The following FSTL5 variants were observed in gnomAD, a reference collection of about 807,000 sequenced individuals.
FSTL5 encodes the protein follistatin-related protein 5.
In FSTL5, 62 loss-of-function variants were observed where a neutral mutation model predicts 89.1. The observed-to-expected ratio is 0.70, with a 90% confidence interval of 0.57 to 0.86. The LOEUF (loss-of-function observed/expected upper bound fraction) is 0.86. Among genes scored for constraint, FSTL5 ranks in the 40% least tolerant of loss-of-function variants. FSTL5 has a pLI of 0.00. For missense variants in FSTL5, 1,057 were observed against 1,001.6 expected (o/e 1.06, Z -0.75); for synonymous variants, 383 against 346.2 (o/e 1.11, Z -1.18).
chr4:162,154,059 G>A (rs1030197477), intron 1 of FSTL5, among the ~76,000 whole-genome samples: 12 of 151,576 alleles, frequency 7.9e-5, no homozygotes, highest in African/African-American at 2.4e-4. Flanking sequence ...CACTCGCTTC[G>A]GCCTCCCAAA....
chr4:162,092,582 T>C (rs562276050), intron 2 of FSTL5, among the ~76,000 whole-genome samples: 5 of 152,244 alleles, frequency 3.3e-5, no homozygotes, highest in South Asian at 2.1e-4. Flanking sequence ...ATCCTTTTCC[T>C]AAAGTTTGAT....
At chr4:161,864,634 G>GTCC (rs1732019302) in intron 4 of FSTL5, among the ~76,000 whole-genome samples, 1 of 152,128 alleles carries the variant, frequency 6.6e-6, no homozygotes, top group Non-Finnish European at 1.5e-5. Context: ...CACTTTGGGA[G>GTCC]ACTGAGGTGG....
At chr4:161,751,877 T>C (rs1740403622) in intron 6 of FSTL5, among the ~76,000 whole-genome samples, 3 of 152,184 alleles carry the variant, frequency 2.0e-5, no homozygotes, top group Non-Finnish European at 2.9e-5. Context: ...TCTCCAAATA[T>C]GTCAGGTGAT....
chr4:161,658,541 T>C (rs764801516), intron 6 of FSTL5, among the ~76,000 whole-genome samples: 74 of 152,112 alleles, frequency 4.9e-4, no homozygotes, highest in Non-Finnish European at 9.4e-4. Flanking sequence ...GTCTCTGTTA[T>C]ATATCACATA....
At chr4:161,823,149 A>G (rs972453248) in intron 4 of FSTL5, among the ~76,000 whole-genome samples, 1 of 152,072 alleles carries the variant, frequency 6.6e-6, no homozygotes, top group African/African-American at 2.4e-5. Context: ...ATAAGTTCTT[A>G]CCTTGGATCA....
At chr4:162,016,948 G>A (rs1412030405) in intron 3 of FSTL5, among the ~76,000 whole-genome samples, 1 of 152,132 alleles carries the variant, frequency 6.6e-6, no homozygotes, top group African/African-American at 2.4e-5. Context: ...AACAGGATTT[G>A]TAAATTTACG....
chr4:161,735,412 C>G (rs1478259591), intron 6 of FSTL5, among the ~76,000 whole-genome samples: 4 of 152,094 alleles, frequency 2.6e-5, no homozygotes, highest in Admixed American at 1.3e-4. Flanking sequence ...TGGTGATCAA[C>G]TTGAGATTTA....
At position 162,113,454 on chromosome 4, in the gene FSTL5, T is replaced by C. The variant is rs114944717; in HGVS notation, c.-16-2042A>G. 5.2e-3 allele frequency among the ~76,000 whole-genome samples: 789 copies of C among 152,270 alleles called. 3 individuals carry two copies. The highest frequency in any genetic ancestry group is 9.3e-3 in the Non-Finnish European group (635 of 68,016). ...ACCACATCCTCGCTAGTCTTCCACATTTCTATATATGCATCTTAAGTCCAC... is the reference window on the plus strand; with the variant it reads ...ACCACATCCTCGCTAGTCTTCCACACTTCTATATATGCATCTTAAGTCCAC... On this transcript the variant is annotated intron_variant, in intron 1 of 15. Coordinates refer to ENST00000306100, the MANE Select transcript of FSTL5 (RefSeq NM_020116.5).
At chr4:162,161,668 A>G (rs900224744) in intron 1 of FSTL5, among the ~76,000 whole-genome samples, 1 of 151,974 alleles carries the variant, frequency 6.6e-6, no homozygotes, top group African/African-American at 2.4e-5. Flanking sequence ...ACTTTGTGCA[A>G]ATGGAAGTCA....
intron 2 of FSTL5, among the ~76,000 whole-genome samples, chr4:162,092,438 G>A (rs1730584880): frequency 1.3e-5 from 2 of 152,158 alleles, no homozygotes; most frequent in South Asian, 4.1e-4. Context: ...GGAGCCAGTA[G>A]TATTTGTTAT....
chr4:162,094,587 A>C (rs966430093), intron 2 of FSTL5, among the ~76,000 whole-genome samples: 1 of 152,180 alleles, frequency 6.6e-6, no homozygotes, highest in African/African-American at 2.4e-5. Flanking sequence ...GCAAAAAATA[A>C]AATAAAAATA....
In FSTL5 at chr4:161,508,904, T is replaced by C. The variant is rs1289647673; in HGVS notation, c.1339+1494A>G. Among the ~76,000 whole-genome samples, 4 of 152,208 alleles carry C rather than the reference T, an allele frequency of 2.6e-5. No individual in the cohort carries two copies. The East Asian group carries it at 7.7e-4, about 29-fold the overall frequency. On this transcript the variant is annotated intron_variant, in intron 11 of 15. Coordinates refer to ENST00000306100, the MANE Select transcript of FSTL5 (RefSeq NM_020116.5). ...CAATTAACCGTCAAAGCCAGATCTG[T>C]AGTACTTGGTTCAGACTTGTTAAGT...
intron 14 of FSTL5, 145 bp from the exon 15 acceptor site, chr4:161,455,273 C>T (rs939265906): frequency 1.2e-5 from 6 of 502,828 alleles, no homozygotes; most frequent in Non-Finnish European, 1.9e-5. Flanking sequence ...TATTATTACA[C>T]AAATTACAAT....
intron 15 of FSTL5, among the ~76,000 whole-genome samples, chr4:161,405,276 A>C (rs893503092): frequency 6.6e-5 from 10 of 150,550 alleles, no homozygotes; most frequent in Non-Finnish European, 1.0e-4. Flanking sequence ...GCTAAAGAAA[A>C]ACATGGATCA....
chr4:162,052,350 C>T (rs1738405849), intron 2 of FSTL5, among the ~76,000 whole-genome samples: 1 of 151,466 alleles, frequency 6.6e-6, no homozygotes, highest in Admixed American at 6.6e-5. Flanking sequence ...CACCCAAATG[C>T]TTTTGTAGAT....
At chr4:161,527,488 A>G (rs1731265124) in intron 10 of FSTL5, among the ~76,000 whole-genome samples, 2 of 144,456 alleles carry the variant, frequency 1.4e-5, no homozygotes, top group African/African-American at 5.8e-5. Flanking sequence ...GGTGAAGGAC[A>G]TGAACAGACA....
intron 4 of FSTL5, among the ~76,000 whole-genome samples, chr4:161,780,286 T>C (rs980246979): frequency 3.3e-5 from 5 of 151,888 alleles, no homozygotes; most frequent in African/African-American, 9.7e-5. Flanking sequence ...TTAGAAATTG[T>C]GCCCCCTCCC....
intron 8 of FSTL5, among the ~76,000 whole-genome samples, chr4:161,585,586 C>T (rs1229495385): frequency 6.0e-5 from 5 of 82,950 alleles, no homozygotes; most frequent in Non-Finnish European, 8.4e-5. Flanking sequence ...CTCCCTAATG[C>T]TAAAAAAAAA....
At chr4:161,765,982 A>G (rs1433993402) in intron 5 of FSTL5, among the ~76,000 whole-genome samples, 1 of 151,962 alleles carries the variant, frequency 6.6e-6, no homozygotes, top group Non-Finnish European at 1.5e-5. Context: ...TTTAGTAGAG[A>G]CGGGGTTTCA....
Sources: gnomAD v4.1 joint callset for allele counts (sites outside exome capture counted in the v4.1 genomes callset) on GRCh38, gnomAD v4.1.1 for gene constraint, MANE v1.5 for transcripts, NCBI Gene and HGNC (gene_info 2026-07-23, HGNC 2026-07-21) for gene names.